TENM3: variants seen among roughly 807,000 people sequenced by gnomAD.
The protein encoded by TENM3 is teneurin transmembrane protein 3, also known as teneurin-3.
TENM3 carries 63 observed loss-of-function variants against 255.1 expected under a neutral mutation model. The ratio of observed to expected loss-of-function variants is 0.25; its 90% CI spans 0.20 to 0.30. The LOEUF (loss-of-function observed/expected upper bound fraction) is 0.30, where lower values mean the gene tolerates loss of function less well. TENM3 is among the 10% of genes least tolerant of loss of function. The pLI is 1.00. For missense variants in TENM3, 2,929 were observed against 3,461.1 expected (o/e 0.85, Z 3.86); for synonymous variants, 1,306 against 1,322.3 (o/e 0.99, Z 0.27).
chr4:182,565,569 G>T (rs564805165), intron 3 of TENM3, among the ~76,000 whole-genome samples: 4 of 152,098 alleles, frequency 2.6e-5, no homozygotes, highest in African/African-American at 9.7e-5. Context: ...ATTGAAATTA[G>T]CATCCCTCAT....
chr4:182,287,384 T>A (rs995630720), intron 1 of TENM3, among the ~76,000 whole-genome samples: 32 of 152,220 alleles, frequency 2.1e-4, no homozygotes, highest in African/African-American at 7.7e-4. Flanking sequence ...GAGCTTTTGC[T>A]ATTTCAGAGA....
chr4:181,608,829 T>C, the TENM3 span, among the ~76,000 whole-genome samples: 1 of 152,170 alleles, frequency 6.6e-6, no homozygotes, highest in African/African-American at 2.4e-5. Context: ...GAGCCTGACA[T>C]TGGAAAAGCT....
intron 6 of TENM3, among the ~76,000 whole-genome samples, chr4:182,659,076 G>A (rs1261800213): frequency 6.6e-6 from 1 of 152,198 alleles, no homozygotes; most frequent in Non-Finnish European, 1.5e-5. Context: ...CTGGGGAGGG[G>A]AATTAAACTC....
At chr4:182,019,024 G>T in the TENM3 span, among the ~76,000 whole-genome samples, 1 of 152,148 alleles carries the variant, frequency 6.6e-6, no homozygotes, top group Admixed American at 6.5e-5. Flanking sequence ...TCTCAGCAAG[G>T]TGTCCATGAA....
At chr4:181,994,171 A>G in the TENM3 span, among the ~76,000 whole-genome samples, 2 of 152,182 alleles carry the variant, frequency 1.3e-5, no homozygotes, top group Non-Finnish European at 2.9e-5. Flanking sequence ...AAAACATTAT[A>G]TGTTTTGAAG....
At chr4:182,335,913 G>A (rs993750842) in intron 2 of TENM3, among the ~76,000 whole-genome samples, 1 of 152,144 alleles carries the variant, frequency 6.6e-6, no homozygotes. Context: ...GTCAGTAAAC[G>A]TGAAAAGGAG....
intron 16 of TENM3, among the ~76,000 whole-genome samples, chr4:182,731,900 G>A (rs1760770950): frequency 6.6e-6 from 1 of 151,606 alleles, no homozygotes; most frequent in African/African-American, 2.4e-5. Flanking sequence ...TCCCGCCTCA[G>A]ACTCCTGAGT....
intron 5 of TENM3, among the ~76,000 whole-genome samples, chr4:182,638,219 C>CT (rs1254073223): frequency 6.6e-6 from 1 of 151,906 alleles, no homozygotes; most frequent in East Asian, 1.9e-4. Context: ...TACATGCATG[C>CT]TTTAAGAATT....
At chr4:181,448,179 T>G in the TENM3 span, among the ~76,000 whole-genome samples, 1 of 89,768 alleles carries the variant, frequency 1.1e-5, no homozygotes, top group Non-Finnish European at 2.3e-5. Flanking sequence ...TTTTTTTTTT[T>G]TTTTTGAGAC....
At chr4:182,117,481 A>G in the TENM3 span, among the ~76,000 whole-genome samples, 1 of 152,160 alleles carries the variant, frequency 6.6e-6, no homozygotes, top group South Asian at 2.1e-4. Flanking sequence ...TTTTGTGAAC[A>G]TTGTGAGGTG....
chr4:181,996,282 T>C, the TENM3 span, among the ~76,000 whole-genome samples: 3 of 150,854 alleles, frequency 2.0e-5, no homozygotes, highest in African/African-American at 7.3e-5. Flanking sequence ...AAGTGGCTGG[T>C]GGGGGCAGAG....
the TENM3 span, among the ~76,000 whole-genome samples, chr4:181,809,853 G>A: frequency 6.6e-6 from 1 of 152,044 alleles, no homozygotes; most frequent in Admixed American, 6.6e-5. Flanking sequence ...TCCCAGGAAC[G>A]CAAGCAGCCT....
chr4:182,564,510 T>C (rs1743561961), intron 3 of TENM3, among the ~76,000 whole-genome samples: 1 of 151,926 alleles, frequency 6.6e-6, no homozygotes, highest in Admixed American at 6.6e-5. Flanking sequence ...AATTATTCTC[T>C]TCACCACACC....
intron 16 of TENM3, among the ~76,000 whole-genome samples, chr4:182,732,896 A>G (rs1278124779): frequency 2.0e-5 from 3 of 152,198 alleles, no homozygotes; most frequent in African/African-American, 4.8e-5. Flanking sequence ...TCATTAAAGT[A>G]CACTAGCACA....
At chr4:181,481,453 C>T in the TENM3 span, among the ~76,000 whole-genome samples, 1 of 152,224 alleles carries the variant, frequency 6.6e-6, no homozygotes, top group East Asian at 1.9e-4. Context: ...AATTTGGAAA[C>T]ATATTTCAAT....
chr4:182,626,768 G>T (rs1435599013), intron 4 of TENM3, among the ~76,000 whole-genome samples: 1 of 152,068 alleles, frequency 6.6e-6, no homozygotes, highest in African/African-American at 2.4e-5. Flanking sequence ...TAATACAGTC[G>T]CTAGTATAAT....
At chr4:181,997,697 T>C in the TENM3 span, among the ~76,000 whole-genome samples, 1 of 152,206 alleles carries the variant, frequency 6.6e-6, no homozygotes, top group South Asian at 2.1e-4. Context: ...GCTGTGGTGA[T>C]AGATTATGTG....
intron 13 of TENM3, among the ~76,000 whole-genome samples, chr4:182,724,615 A>T (rs924671129): frequency 6.6e-6 from 1 of 152,236 alleles, no homozygotes; most frequent in Non-Finnish European, 1.5e-5. Flanking sequence ...TGCAGACTAC[A>T]TGCCAGATGT....
the TENM3 span, among the ~76,000 whole-genome samples, chr4:182,060,192 G>A: frequency 6.6e-6 from 1 of 152,096 alleles, no homozygotes. Flanking sequence ...AGCCATGACT[G>A]CACCACTGCC....
Sources: gnomAD v4.1 joint callset for allele counts (sites outside exome capture counted in the v4.1 genomes callset) on GRCh38, gnomAD v4.1.1 for gene constraint, MANE v1.5 for transcripts, NCBI Gene and HGNC (gene_info 2026-07-23, HGNC 2026-07-21) for gene names.